RPS24: variants seen among roughly 807,000 people sequenced by gnomAD.
The protein encoded by RPS24 is small ribosomal subunit protein eS24.
For synonymous variants in RPS24, 72 were observed against 55.6 expected, an observed-to-expected ratio of 1.30 and a Z score of -1.31; for missense variants, 100 against 162.5, an observed-to-expected ratio of 0.62 and a Z score of 2.09.
chr10:78,040,169 C>G, intron 4 of RPS24, 35 bp from the exon 5 acceptor site: 1 of 1,608,124 alleles, frequency 6.2e-7, no homozygotes, highest in East Asian at 2.2e-5. Flanking sequence ...TCTTTTCCCT[C>G]CTTTCTCTTT....
chr10:78,046,030 C>A (rs533284991), intron 4 of RPS24, among the ~76,000 whole-genome samples: 5 of 152,012 alleles, frequency 3.3e-5, no homozygotes, highest in African/African-American at 1.2e-4. Flanking sequence ...GCCTCTTGCC[C>A]CAGTTTTCAG....
chr10:78,055,282 A>T, exon 5 of RPS24: 1 of 376,980 alleles, frequency 2.7e-6, no homozygotes, highest in Non-Finnish European at 4.6e-6. Flanking sequence ...CCTAGTTTTA[A>T]TTTTTCCTCG....
Position 78,033,889 on chromosome 10 carries a change from A to C in RPS24, c.-13A>C. ...TCTTTTCCTCCTTGGCTGTCTGAAGATAGATCGCCATCATGGTGAGTCTCC... is the reference window on the plus strand; with the variant it reads ...TCTTTTCCTCCTTGGCTGTCTGAAGCTAGATCGCCATCATGGTGAGTCTCC... On this transcript the variant is annotated 5_prime_UTR_variant, in exon 1 of 6. Coordinates refer to ENST00000372360, the MANE Select transcript of RPS24 (RefSeq NM_033022.4). The C allele has an allele frequency of 6.2e-7, 1 of 1,614,062 alleles. No homozygotes were observed. The highest frequency in any genetic ancestry group is 8.5e-7 in the Non-Finnish European group (1 of 1,179,988).
intron 4 of RPS24, among the ~76,000 whole-genome samples, chr10:78,053,235 C>A (rs1161674330): frequency 2.0e-5 from 3 of 151,824 alleles, no homozygotes; most frequent in Non-Finnish European, 4.4e-5. Context: ...TGGAAGGGGC[C>A]TGCCCCCTGG....
chr10:78,040,738 C>G, downstream of RPS24: 1 of 1,447,296 alleles, frequency 6.9e-7, no homozygotes, highest in Non-Finnish European at 9.7e-7. Context: ...TTTCCTGGGA[C>G]TGCTAGGAGG....
At chr10:78,054,439 G>T in intron 4 of RPS24, 2 of 1,150,614 alleles carry the variant, frequency 1.7e-6, no homozygotes, top group South Asian at 1.6e-5. Flanking sequence ...AGTGAGGGAG[G>T]TGCAGAATCC....
intron 4 of RPS24, among the ~76,000 whole-genome samples, chr10:78,046,014 T>C (rs1219199662): frequency 6.6e-6 from 1 of 151,660 alleles, no homozygotes; most frequent in Non-Finnish European, 1.5e-5. Context: ...AAACAACAAA[T>C]GCCCAGCCTC....
intron 4 of RPS24, among the ~76,000 whole-genome samples, chr10:78,051,251 C>T (rs976191832): frequency 5.9e-5 from 9 of 152,172 alleles, no homozygotes; most frequent in Non-Finnish European, 1.3e-4. Context: ...TTTCCCTCAA[C>T]CTCTGCCCCA....
rs1450554959 is a variant in RPS24 at position 78,035,343 on chromosome 10, T to C, written c.4-9T>C. 2 of 1,613,708 alleles carry C rather than the reference T, an allele frequency of 1.2e-6. No homozygotes were observed. The highest frequency in any genetic ancestry group is 3.3e-5 in the Admixed American group (2 of 60,024). On this transcript the variant is annotated splice_polypyrimidine_tract_variant and intron_variant, in intron 1 of 5. Transcript: ENST00000372360. ...GTAGTTTTATTAACCAGAGTGTTTATGTTTTCAGAACGACACCGTAACTAT... is the reference window on the plus strand; with the variant it reads ...GTAGTTTTATTAACCAGAGTGTTTACGTTTTCAGAACGACACCGTAACTAT...
downstream of RPS24, among the ~76,000 whole-genome samples, chr10:78,042,229 C>T (rs1321499467): frequency 1.3e-5 from 2 of 152,236 alleles, no homozygotes. Context: ...CTCTGGTCTC[C>T]ACAGCCTTTG....
At chr10:78,045,051 C>T (rs1848028978), downstream of RPS24, among the ~76,000 whole-genome samples, 2 of 151,998 alleles carry the variant, frequency 1.3e-5, no homozygotes, top group African/African-American at 4.8e-5. Flanking sequence ...TGCAATGGCA[C>T]GACCTCAGCT....
In RPS24 at chr10:78,054,687, C is replaced by T. The variant is rs548536685; in HGVS notation, c.547C>T (p.Arg183Trp). 1.2e-5 allele frequency: 19 copies of T among 1,551,594 alleles called. No individual in the cohort carries two copies. The Middle Eastern group carries it at 5.0e-4, about 41-fold the overall frequency. ...GAGCGTGTGGACATGTGGCAGATTGCGGAGGGGCTGTGGCAAGTATTTACA... is the reference window on the plus strand; with the variant it reads ...GAGCGTGTGGACATGTGGCAGATTGTGGAGGGGCTGTGGCAAGTATTTACA... The change falls in exon 5 of 5, where the codon CGG becomes TGG. Residue 183 changes from arginine (R) to tryptophan (W), a missense_variant. Coordinates refer to the RPS24 transcript ENST00000440692.
chr10:78,044,906 T>A (rs553762667), downstream of RPS24, among the ~76,000 whole-genome samples: 1 of 151,916 alleles, frequency 6.6e-6, no homozygotes. Flanking sequence ...GGAAATACTT[T>A]GGCAACGCTC....
chr10:78,034,812 A>G (rs1847825810), intron 1 of RPS24, among the ~76,000 whole-genome samples: 1 of 152,240 alleles, frequency 6.6e-6, no homozygotes. Context: ...TTTGTGCAAG[A>G]CATGATAAAC....
chr10:78,054,753 T>G, exon 5 of RPS24: 1 of 1,551,650 alleles, frequency 6.4e-7, no homozygotes, highest in Non-Finnish European at 8.7e-7. Flanking sequence ...CAGAGAACAG[T>G]GCTGCCAGGC....
intron 3 of RPS24, 111 bp from the exon 4 acceptor site, chr10:78,037,083 G>A: frequency 7.3e-7 from 1 of 1,375,390 alleles, no homozygotes; most frequent in Non-Finnish European, 1.0e-6. Flanking sequence ...AAAAGTTTTG[G>A]TTTAGAAAGC....
downstream of RPS24, among the ~76,000 whole-genome samples, chr10:78,045,089 A>T (rs1030811426): frequency 2.6e-5 from 4 of 152,034 alleles, no homozygotes; most frequent in African/African-American, 9.7e-5. Context: ...CCTGGGTTCA[A>T]GCAATTCTCT....
chr10:78,053,828 T>C (rs1848124773), intron 4 of RPS24, among the ~76,000 whole-genome samples: 1 of 152,186 alleles, frequency 6.6e-6, no homozygotes, highest in African/African-American at 2.4e-5. Flanking sequence ...CTTTGAGGGC[T>C]GGAAGTGGGT....
chr10:78,034,344 C>T (rs1847812103), intron 1 of RPS24: 2 of 241,648 alleles, frequency 8.3e-6, no homozygotes, highest in Middle Eastern at 1.6e-3. Flanking sequence ...CACGTGTAAG[C>T]TAGAAAACTT....
Sources: gnomAD v4.1 joint callset for allele counts (sites outside exome capture counted in the v4.1 genomes callset) on GRCh38, gnomAD v4.1.1 for gene constraint, MANE v1.5 for transcripts, NCBI Gene and HGNC (gene_info 2026-07-23, HGNC 2026-07-21) for gene names.